DNAJA2: variants seen among roughly 807,000 people sequenced by gnomAD.
DNAJA2 encodes the protein dnaJ homolog subfamily A member 2.
In DNAJA2, 6 loss-of-function variants were observed where a neutral mutation model predicts 49.3. That is an observed-to-expected ratio of 0.12 (90% confidence interval 0.07 to 0.24). The LOEUF (loss-of-function observed/expected upper bound fraction) is 0.24. Among genes scored for constraint, DNAJA2 ranks in the 10% least tolerant of loss-of-function variants. The probability of loss-of-function intolerance (pLI) is 1.00; values close to 1 mark genes in which losing one functional copy is unlikely to be tolerated. For missense variants in DNAJA2, 347 were observed against 516.8 expected, an observed-to-expected ratio of 0.67 and a Z score of 3.19; for synonymous variants, 160 against 172.7, an observed-to-expected ratio of 0.93 and a Z score of 0.58.
chr16:46,964,477 T>A (rs1961941365), intron 6 of DNAJA2, 134 bp downstream of exon 6: 1 of 785,932 alleles, frequency 1.3e-6, no homozygotes, highest in Admixed American at 3.0e-5. Flanking sequence ...TCTTAGGAAC[T>A]CACCATGATG....
At chr16:46,964,550 CACAAGCAAGAAG>C (rs1961942047) in intron 6 of DNAJA2, 49 bp downstream of exon 6, 1 of 1,514,044 alleles carries the variant, frequency 6.6e-7, no homozygotes, top group East Asian at 2.3e-5. Flanking sequence ...ACCTATTTCT[CACAAGCAAGAAG>C]TACTTCTGAA....
At chr16:46,957,906 C>T (rs910519237) in intron 8 of DNAJA2, among the ~76,000 whole-genome samples, 6 of 152,052 alleles carry the variant, frequency 3.9e-5, no homozygotes, top group South Asian at 2.1e-4. Flanking sequence ...CCACCCACAC[C>T]GGGTCTACTT....
At chr16:46,966,159 C>T (rs1435693004) in intron 5 of DNAJA2, among the ~76,000 whole-genome samples, 2 of 152,018 alleles carry the variant, frequency 1.3e-5, no homozygotes, top group African/African-American at 2.4e-5. Context: ...TCAGCGTGGG[C>T]GGTGGAGGCT....
Position 46,956,954 on chromosome 16 carries a change from A to G in DNAJA2, c.*75T>C. The G allele has an allele frequency of 6.5e-7, 1 of 1,530,706 alleles. No individual in the cohort carries two copies. The highest frequency in any genetic ancestry group is 9.0e-7 in the Non-Finnish European group (1 of 1,104,990). The allele number at this position is 1,530,706 out of a possible 1,614,324, so 94.8% of individuals were successfully genotyped here. ...CTCAGTTCATCTGGATTGATAAGAC[A>G]CTCCAGCTGGATTGCTGAGAACAAA... On this transcript the variant is annotated 3_prime_UTR_variant, in exon 9 of 9. Transcript: ENST00000317089.
At chr16:46,966,086 T>A (rs1193356220) in intron 5 of DNAJA2, among the ~76,000 whole-genome samples, 1 of 151,998 alleles carries the variant, frequency 6.6e-6, no homozygotes, top group African/African-American at 2.4e-5. Context: ...TAGCTGGGCG[T>A]GGTGGCAAGC....
chr16:46,967,797 A>T (rs1961993678), intron 4 of DNAJA2, 151 bp from the exon 5 acceptor site: 1 of 1,185,530 alleles, frequency 8.4e-7, no homozygotes, highest in South Asian at 1.5e-5. Context: ...CATTCTGCTA[A>T]GATTTTTTTA....
At chr16:46,966,652 A>C (rs1268902098) in intron 5 of DNAJA2, among the ~76,000 whole-genome samples, 1 of 152,254 alleles carries the variant, frequency 6.6e-6, no homozygotes. Context: ...TGGCCATAAA[A>C]GCACTAAAAG....
rs565251057 is a variant in DNAJA2 at position 46,957,833 on chromosome 16, G to A, written c.1048-613C>T. On this transcript the variant is annotated intron_variant, in intron 8 of 8. Coordinates refer to ENST00000317089, the MANE Select transcript of DNAJA2 (RefSeq NM_005880.4). ...ATGGACACCAGCTTACGATAAAGGG[G>A]TAGTGGTCCTGCCCTCTGCAAATGA... 1.8e-4 allele frequency among the ~76,000 whole-genome samples: 27 copies of A among 152,160 alleles called. 1 individual carries two copies. The South Asian group carries it at 5.6e-3, about 32-fold the overall frequency.
At chr16:46,971,035 C>CAA (rs540358713) in intron 3 of DNAJA2, among the ~76,000 whole-genome samples, 6 of 121,776 alleles carry the variant, frequency 4.9e-5, no homozygotes, top group Admixed American at 8.3e-5. Context: ...AACTCGGTCT[C>CAA]AAAAAAAAAA....
rs572507087 is a variant in DNAJA2 at position 46,963,099 on chromosome 16, A to G, written c.774+1512T>C. Among the ~76,000 whole-genome samples, 3 of 152,302 alleles carry G rather than the reference A, an allele frequency of 2.0e-5. No homozygotes were observed. The South Asian group carries it at 6.2e-4, about 32-fold the overall frequency. On this transcript the variant is annotated intron_variant, in intron 6 of 8. Coordinates refer to ENST00000317089, the MANE Select transcript of DNAJA2 (RefSeq NM_005880.4). ...CTTTCACTGAACATAATACAAATTTACCATTTCTCCGTGTTCATTGGGCTT... is the reference window on the plus strand; with the variant it reads ...CTTTCACTGAACATAATACAAATTTGCCATTTCTCCGTGTTCATTGGGCTT...
At chr16:46,973,321 G>A (rs984336028) in intron 1 of DNAJA2, among the ~76,000 whole-genome samples, 174 bp downstream of exon 1, 4 of 151,096 alleles carry the variant, frequency 2.6e-5, no homozygotes, top group African/African-American at 7.2e-5. Flanking sequence ...GCCGAGGCCG[G>A]AGTGCGCGGC....
chr16:46,959,642 A>C, intron 6 of DNAJA2: 1 of 471,816 alleles, frequency 2.1e-6, no homozygotes, highest in Non-Finnish European at 3.8e-6. Flanking sequence ...CTGGTAAACA[A>C]TGGCATATAT....
intron 6 of DNAJA2, among the ~76,000 whole-genome samples, chr16:46,962,824 G>C (rs917206474): frequency 6.6e-6 from 1 of 152,166 alleles, no homozygotes; most frequent in Non-Finnish European, 1.5e-5. Context: ...AGTCATGAAA[G>C]CTGACTAGCA....
At position 46,968,115 on chromosome 16, in the gene DNAJA2, T is replaced by C; in HGVS notation, c.412A>G (p.Ser138Gly). The C allele has an allele frequency of 2.5e-6, 4 of 1,610,192 alleles. No homozygotes were observed. Among genetic ancestry groups the C allele is most frequent in the Non-Finnish European group, 3.4e-6 (4 of 1,178,902 alleles). ...YNGKTTKLQL[S>G]KNVLCSACSG... ...CATGCACTACAGAGCACATTCTTGCTAAGTTGTAGTTTGGTTGTCTTGCCA... is the reference window on the plus strand; with the variant it reads ...CATGCACTACAGAGCACATTCTTGCCAAGTTGTAGTTTGGTTGTCTTGCCA... Residue 138 changes from serine to glycine, a missense_variant, in exon 4 of 9, where the codon AGC (serine) becomes GGC (glycine). By Grantham distance (56) the Ser-to-Gly change is moderately conservative (BLOSUM62 0). Transcript: ENST00000317089.
At position 46,956,982 on chromosome 16, in the gene DNAJA2, A is replaced by G; in HGVS notation, c.*47T>C. 6.2e-7 allele frequency: 1 copy of G among 1,603,516 alleles called. No homozygotes were observed. The highest frequency in any genetic ancestry group is 2.2e-5 in the East Asian group (1 of 44,848). On this transcript the variant is annotated 3_prime_UTR_variant, in exon 9 of 9. Transcript: ENST00000317089. ...CCAGCTGGATTGCTGAGAACAAATC[A>G]GGCAAATGTGGAAAGAAAATCCACC... is the stretch of plus-strand genomic sequence containing the variant.
intron 4 of DNAJA2, 51 bp downstream of exon 4, chr16:46,968,033 T>A (rs748172231): frequency 6.9e-6 from 10 of 1,457,060 alleles, no homozygotes; most frequent in Non-Finnish European, 9.4e-6. Context: ...TTCAGTGTGA[T>A]ACTTAAAAGA....
At chr16:46,973,122 C>G (rs1962080952) in intron 1 of DNAJA2, among the ~76,000 whole-genome samples, 1 of 152,154 alleles carries the variant, frequency 6.6e-6, no homozygotes, top group Non-Finnish European at 1.5e-5. Flanking sequence ...CTGAGCACCT[C>G]GGTCCAACCT....
At chr16:46,963,311 G>A (rs113853525) in intron 6 of DNAJA2, among the ~76,000 whole-genome samples, 2 of 152,060 alleles carry the variant, frequency 1.3e-5, no homozygotes, top group African/African-American at 4.8e-5. Flanking sequence ...TTTATTCTTT[G>A]AGTAGGGTCT....
intron 1 of DNAJA2, 111 bp downstream of exon 1, chr16:46,973,384 A>C: frequency 2.0e-6 from 2 of 997,524 alleles, no homozygotes; most frequent in Admixed American, 4.5e-5. Flanking sequence ...CGGGCCAGTC[A>C]CGGCCGGCGC....
Sources: gnomAD v4.1 joint callset for allele counts (sites outside exome capture counted in the v4.1 genomes callset) on GRCh38, gnomAD v4.1.1 for gene constraint, MANE v1.5 for transcripts, NCBI Gene and HGNC (gene_info 2026-07-23, HGNC 2026-07-21) for gene names.